Variants in PLEC observed in about 807,000 individuals in gnomAD.
PLEC encodes the protein plectin, also known as hemidesmosomal protein 1.
PLEC carries 216 observed loss-of-function variants against 392.8 expected under a neutral mutation model. That is an observed-to-expected ratio of 0.55 (90% CI 0.49 to 0.62). PLEC has a LOEUF of 0.62. Among genes scored for constraint, PLEC ranks in the 20% least tolerant of loss-of-function variants. The pLI is 0.00. For missense variants in PLEC, 6,863 were observed against 6,563.4 expected (o/e 1.05, Z -1.58); for synonymous variants, 3,621 against 2,980.6 (o/e 1.21, Z -7.00).
intron 1 of PLEC, among the ~76,000 whole-genome samples, chr8:143,946,785 C>G (rs1285868077): frequency 1.4e-5 from 2 of 145,714 alleles, no homozygotes; most frequent in African/African-American, 5.1e-5. Context: ...TCCAGGCATC[C>G]ATGTGCCCAG....
rs185978075 is a variant in PLEC, at chr8:143,932,698, G to A, written c.1752C>T (p.Pro584=). ...AGTCACGGTAGGCACCCCGGGTGGCGGGGGAGAGCTGGCCCTGCAACAGAT... is the reference window on the plus strand; with the variant it reads ...AGTCACGGTAGGCACCCCGGGTGGCAGGGGAGAGCTGGCCCTGCAACAGAT... ...RARSDEGQLS[P]ATRGAYRDCL... is the part of the protein sequence containing the mutation. Residue 584 remains proline (P), a synonymous_variant, in exon 15 of 32, where the codon CCC becomes CCT. Transcript: ENST00000345136. 2,846 of 1,606,976 alleles carry A rather than the reference G, an allele frequency of 1.8e-3. 38 individuals are homozygous for A. The African/African-American group carries it at 0.029, about 17-fold the overall frequency.
chr8:143,939,009 C>G (rs1198902647), intron 1 of PLEC, among the ~76,000 whole-genome samples: 1 of 152,036 alleles, frequency 6.6e-6, no homozygotes, highest in East Asian at 1.9e-4. Context: ...CCCCCGGCCT[C>G]TACAGACTGA....
upstream of PLEC, among the ~76,000 whole-genome samples, chr8:143,952,614 A>G (rs1832304302): frequency 6.7e-6 from 1 of 150,194 alleles, no homozygotes; most frequent in Non-Finnish European, 1.5e-5. Context: ...TCCTGGCCTG[A>G]TTCCCTAACC....
At chr8:143,956,760 T>G (rs1554739362), upstream of PLEC, among the ~76,000 whole-genome samples, 1 of 152,172 alleles carries the variant, frequency 6.6e-6, no homozygotes, top group East Asian at 1.9e-4. Context: ...ATCGACAAGC[T>G]GCAGCAGCAG....
At chr8:143,936,852 A>T in intron 5 of PLEC, 127 bp downstream of exon 5, 1 of 745,238 alleles carries the variant, frequency 1.3e-6, no homozygotes, top group East Asian at 2.5e-5. Context: ...GTGCCACCAT[A>T]CCTACGGCGC....
rs1833293317 is a variant in PLEC, at chr8:143,969,328, C to A, written c.70+4075G>T. Among the ~76,000 whole-genome samples, 1 of 152,208 alleles carries A rather than the reference C, an allele frequency of 6.6e-6. No individual in the cohort carries two copies. Among genetic ancestry groups the A allele is most frequent in the Non-Finnish European group, 1.5e-5 (1 of 68,034 alleles). ...CAGCCCCCCCATTCTCCCTGTCCCC[C>A]ATCCAGGGCAGATTCCTCTGGGGCT... On this transcript the variant is annotated intron_variant, in intron 1 of 31. Coordinates refer to the PLEC transcript ENST00000356346. This position sits in a 1 kb window ranked among gnomAD's most constrained non-coding sequence, Gnocchi z 5.1.
chr8:143,944,192 C>A (rs1451857619), upstream of PLEC, among the ~76,000 whole-genome samples: 1 of 152,114 alleles, frequency 6.6e-6, no homozygotes, highest in Non-Finnish European at 1.5e-5. Context: ...TTAACCCCTG[C>A]GTCCCCGCGG....
At chr8:143,940,430 G>A (rs1463367619), upstream of PLEC, among the ~76,000 whole-genome samples, 1 of 152,242 alleles carries the variant, frequency 6.6e-6, no homozygotes, top group Admixed American at 6.5e-5. Context: ...CCTGAGGCAG[G>A]ACCTGGGCGA....
At chr8:143,946,214 G>C in intron 1 of PLEC, 1 of 529,908 alleles carries the variant, frequency 1.9e-6, no homozygotes, top group Non-Finnish European at 3.0e-6. Context: ...GGGCAGCTCC[G>C]AGAGGGGGCT....
intron 3 of PLEC, chr8:143,937,528 A>C: frequency 5.7e-6 from 3 of 528,648 alleles, no homozygotes; most frequent in Non-Finnish European, 6.9e-6. Context: ...AGTGGCACTA[A>C]AGGGGGGGTC....
rs1157726700 is a variant in PLEC at position 143,920,863 on chromosome 8, C to T, written c.8958G>A (p.Leu2986=). The part of the protein sequence containing the change: ...GLRSLVPAAE[L]LESRVIDREL... ...CGCGGTCGATGACCCTGCTCTCCAG[C>T]AGCTCGGCGGCTGGCACCAGGCTGC... Residue 2986 remains leucine, a synonymous_variant, in exon 32 of 32, where the codon CTG becomes CTA. Transcript: ENST00000345136. 2 of 1,610,088 alleles carry T rather than the reference C, an allele frequency of 1.2e-6. No homozygotes were observed. Among genetic ancestry groups the T allele is most frequent in the Non-Finnish European group, 8.5e-7 (1 of 1,179,862 alleles).
chr8:143,926,333 G>C (rs1332412147), intron 30 of PLEC, among the ~76,000 whole-genome samples: 1 of 152,204 alleles, frequency 6.6e-6, no homozygotes, highest in Admixed American at 6.5e-5. Context: ...GGAGACAGCA[G>C]TGCAGACCCG....
Position 143,918,732 on chromosome 8 carries a change from G to T in PLEC, c.11089C>A (p.Leu3697Met). The change falls in exon 32 of 32, where the codon CTG becomes ATG. Residue 3697 changes from leucine (L) to methionine (M), a missense_variant. Leu to Met is a conservative substitution (Grantham distance 15, BLOSUM62 2). Coordinates refer to ENST00000345136, the MANE Select transcript of PLEC (RefSeq NM_201384.3). ...YGTGSVAGVY[L>M]PGSRQTLSIY... ...CTCAGTGTCTGCCTGGAACCGGGCA[G>T]GTAGACACCAGCCACGGAGCCCGTG... 1.2e-6 allele frequency: 2 copies of T among 1,612,998 alleles called. No individual in the cohort carries two copies. The highest frequency in any genetic ancestry group is 1.1e-5 in the South Asian group (1 of 91,088).
At chr8:143,937,610 G>C in intron 3 of PLEC, 2 of 501,604 alleles carry the variant, frequency 4.0e-6, no homozygotes, top group Non-Finnish European at 7.7e-6. Flanking sequence ...CACGGTGGAC[G>C]GGCAGCTTGA....
At position 143,925,835 on chromosome 8, in the gene PLEC, A is replaced by G. The variant is rs782778125; in HGVS notation, c.4094T>C (p.Val1365Ala). 5 of 1,552,298 alleles carry G rather than the reference A, an allele frequency of 3.2e-6. No individual in the cohort carries two copies. In the African/African-American group the frequency reaches 6.8e-5, roughly 21 times the overall value. Residue 1365 changes from valine (V) to alanine (A), a missense_variant, in exon 31 of 32, where the codon GTG (valine) becomes GCG (alanine). Coordinates refer to ENST00000345136, the MANE Select transcript of PLEC (RefSeq NM_201384.3). ...CCGCTGCTTCTCCAGCGCGGCCTCC[A>G]CCTCGGCCAGCCGCTCGCGCTCCTC... ...RAEERERLAE[V>A]EAALEKQRQL... is the part of the protein sequence containing the mutation.
In PLEC at chr8:143,921,315, C is replaced by G. The variant is rs200814155; in HGVS notation, c.8506G>C (p.Asp2836His). Residue 2836 changes from aspartate (D) to histidine (H), a missense_variant, in exon 32 of 32, where the codon GAC becomes CAC. Asp to His is a moderately conservative substitution (Grantham distance 81, BLOSUM62 -1). Transcript: ENST00000345136. ...GCCAGGACGCGGTTCATCTCCTCGTCGAAGTAGCCGCGCCGGTAGGCCACG... is the reference window on the plus strand; with the variant it reads ...GCCAGGACGCGGTTCATCTCCTCGTGGAAGTAGCCGCGCCGGTAGGCCACG... ...VDVAYRRGYF[D>H]EEMNRVLADP... 54 of 1,613,824 alleles carry G rather than the reference C, an allele frequency of 3.3e-5. No individual in the cohort carries two copies. Among genetic ancestry groups the G allele is most frequent in the Non-Finnish European group, 4.6e-5 (54 of 1,180,026 alleles).
chr8:143,917,692 C>T lies in PLEC; in HGVS notation c.12129G>A (p.Leu4043=), dbSNP rs1821027276. Residue 4043 remains leucine, a synonymous_variant, in exon 32 of 32, where the codon CTG becomes CTA. Coordinates refer to ENST00000345136, the MANE Select transcript of PLEC (RefSeq NM_201384.3). ...LILKDHGIRL[L]EAQIATGGII... is the part of the protein sequence containing the mutation. ...TGCCGCCCGTGGCGATCTGGGCCTC[C>T]AGCAGGCGGATGCCATGGTCCTTCA... 3 of 1,613,506 alleles carry T rather than the reference C, an allele frequency of 1.9e-6. No homozygotes were observed. The highest frequency in any genetic ancestry group is 1.7e-5 in the Admixed American group (1 of 60,012).
Position 143,917,063 on chromosome 8 carries a change from G to A in PLEC, c.12758C>T (p.Ser4253Phe), listed in dbSNP as rs1554670852. Residue 4253 changes from serine (S) to phenylalanine (F), a missense_variant, in exon 32 of 32, where the codon TCC becomes TTC. By Grantham distance (155) the Ser-to-Phe change is radical. Transcript: ENST00000345136. ...FRSRSSSVGS[S>F]SSYPISPAVS... The stretch of plus-strand genomic sequence containing the variant: ...GGCGGGGCTGATGGGGTAGGAGGAG[G>A]AGGATCCCACCGAGGAGGAACGGGA... 3.1e-6 allele frequency: 5 copies of A among 1,607,796 alleles called. No individual in the cohort carries two copies. The highest frequency in any genetic ancestry group is 3.4e-6 in the Non-Finnish European group (4 of 1,175,626).
intron 17 of PLEC, 47 bp from the exon 18 acceptor site, chr8:143,932,079 G>C: frequency 6.4e-7 from 1 of 1,560,184 alleles, no homozygotes; most frequent in Non-Finnish European, 8.7e-7. Flanking sequence ...CCCCGCCTGG[G>C]GACCCGGCAC....
Sources: allele counts gnomAD v4.1 joint callset (sites outside exome capture counted in the v4.1 genomes callset), GRCh38; gene constraint gnomAD v4.1.1; non-coding constraint Gnocchi (gnomAD v3.1); transcripts MANE v1.5; gene names NCBI Gene and HGNC (gene_info 2026-07-23, HGNC 2026-07-21).